Variants in ATF3 observed in about 807,000 individuals in gnomAD.
ATF3 encodes cyclic AMP-dependent transcription factor ATF-3.
In ATF3, 10 loss-of-function variants were observed where a neutral mutation model predicts 18.4. The observed-to-expected ratio is 0.54, with a 90% CI of 0.34 to 0.92. The LOEUF (loss-of-function observed/expected upper bound fraction) is 0.92. Ranked by LOEUF, ATF3 falls within the 40% of genes least tolerant of loss-of-function variation. ATF3 has a pLI of 0.02. For synonymous variants in ATF3, 78 were observed against 87.9 expected (o/e 0.89, Z 0.63); for missense variants, 183 against 222.3 (o/e 0.82, Z 1.12).
Position 212,619,573 on chromosome 1 carries a change from G to T in ATF3, c.*18G>T, listed in dbSNP as rs771844032. On this transcript the variant is annotated 3_prime_UTR_variant, in exon 4 of 4. Transcript: ENST00000341491. The surrounding 1 kb of genome is among the most constrained non-coding windows in gnomAD (Gnocchi z 4.4). Reference sequence around the variant, plus strand: ...AGAGCTAAGCAGTCGTGGTATGGGGGCGACTGGGGAGTCCTCATTGAATCC... The same window carrying T: ...AGAGCTAAGCAGTCGTGGTATGGGGTCGACTGGGGAGTCCTCATTGAATCC... The T allele has an allele frequency of 3.7e-6, 6 of 1,613,610 alleles. No individual in the cohort carries two copies. The Admixed American group carries it at 1.0e-4, about 27-fold the overall frequency.
chr1:212,580,648 T>C (rs994629833), intron 1 of ATF3, among the ~76,000 whole-genome samples: 2 of 152,228 alleles, frequency 1.3e-5, no homozygotes, highest in Admixed American at 1.3e-4. Flanking sequence ...CTTCACTCTG[T>C]GTTCACTACT....
At chr1:212,566,646 G>T (rs1426094096) in intron 1 of ATF3, among the ~76,000 whole-genome samples, 3 of 152,124 alleles carry the variant, frequency 2.0e-5, no homozygotes, top group African/African-American at 7.2e-5. Context: ...CTCAGTTCCT[G>T]TTCCTTTCCC....
At chr1:212,609,387 G>C (rs1219808119) in intron 1 of ATF3, among the ~76,000 whole-genome samples, 8 of 140,372 alleles carry the variant, frequency 5.7e-5, no homozygotes, top group Admixed American at 2.8e-4. Flanking sequence ...GGGGGGGGGG[G>C]GCGCAGAGAG....
chr1:212,586,074 G>T (rs187646806), intron 1 of ATF3, among the ~76,000 whole-genome samples: 6 of 152,256 alleles, frequency 3.9e-5, no homozygotes, highest in Admixed American at 6.5e-5. Context: ...GGCAGGGGAG[G>T]TCCTGGCTCC....
chr1:212,598,309 T>G (rs912718823), intron 1 of ATF3, among the ~76,000 whole-genome samples: 1 of 152,250 alleles, frequency 6.6e-6, no homozygotes, highest in Non-Finnish European at 1.5e-5. Flanking sequence ...ATATCTTACT[T>G]TTTAAAATTT....
chr1:212,571,476 C>T (rs1228463902), intron 1 of ATF3, among the ~76,000 whole-genome samples: 1 of 151,960 alleles, frequency 6.6e-6, no homozygotes, highest in East Asian at 1.9e-4. Flanking sequence ...GGTGCGATCT[C>T]AGCTTACTGC....
chr1:212,583,246 T>C (rs1177962307), intron 1 of ATF3, among the ~76,000 whole-genome samples: 8 of 152,270 alleles, frequency 5.3e-5, no homozygotes, highest in Admixed American at 5.2e-4. Context: ...TTTTAAGTGA[T>C]GGGATCTCGC....
At chr1:212,566,839 C>A (rs1051928359) in intron 1 of ATF3, among the ~76,000 whole-genome samples, 3 of 152,154 alleles carry the variant, frequency 2.0e-5, no homozygotes, top group Non-Finnish European at 2.9e-5. Flanking sequence ...GGATGCACCT[C>A]CTGCACTGCT....
At chr1:212,612,852 C>T (rs1033775629) in intron 1 of ATF3, among the ~76,000 whole-genome samples, 2 of 152,148 alleles carry the variant, frequency 1.3e-5, no homozygotes, top group African/African-American at 4.8e-5. Flanking sequence ...TCCTGGACTC[C>T]ACAGAGCCTC....
intron 1 of ATF3, among the ~76,000 whole-genome samples, chr1:212,598,090 T>A (rs371540418): frequency 6.6e-6 from 1 of 152,148 alleles, no homozygotes; most frequent in Non-Finnish European, 1.5e-5. Flanking sequence ...AGTTTATACT[T>A]TCATCTTTTA....
At chr1:212,567,883 G>C (rs967588080) in intron 1 of ATF3, among the ~76,000 whole-genome samples, 1 of 152,138 alleles carries the variant, frequency 6.6e-6, no homozygotes, top group Admixed American at 6.5e-5. Flanking sequence ...CCTCAGGAGA[G>C]AAAAACTGGG....
intron 1 of ATF3, among the ~76,000 whole-genome samples, chr1:212,610,859 G>A (rs1203347772): frequency 6.6e-6 from 1 of 152,182 alleles, no homozygotes; most frequent in Admixed American, 6.5e-5. Context: ...CAGTCGGTGG[G>A]TGTTCAGCAG....
intron 1 of ATF3, among the ~76,000 whole-genome samples, chr1:212,611,524 G>C (rs1419025405): frequency 1.3e-5 from 2 of 152,224 alleles, no homozygotes; most frequent in Admixed American, 1.3e-4. Context: ...CTCAGCTTAT[G>C]AGTGGCACTG....
chr1:212,592,694 G>A (rs1019684044), intron 1 of ATF3, among the ~76,000 whole-genome samples: 28 of 151,762 alleles, frequency 1.8e-4, no homozygotes, highest in African/African-American at 5.3e-4. Context: ...TCTAGGGGCC[G>A]GATTGCATTC....
At chr1:212,573,401 T>C (rs1270996481) in intron 1 of ATF3, among the ~76,000 whole-genome samples, 22 of 152,084 alleles carry the variant, frequency 1.4e-4, no homozygotes, top group Admixed American at 1.4e-3. Context: ...TAATATATTA[T>C]ACTATTGGAT....
At chr1:212,584,046 G>A (rs1022580390) in intron 1 of ATF3, among the ~76,000 whole-genome samples, 2 of 152,040 alleles carry the variant, frequency 1.3e-5, no homozygotes, top group African/African-American at 4.8e-5. Context: ...ACAAGGGGGA[G>A]GAGATAAAAT....
At chr1:212,587,524 C>A (rs1664801288) in intron 1 of ATF3, among the ~76,000 whole-genome samples, 1 of 152,132 alleles carries the variant, frequency 6.6e-6, no homozygotes, top group Non-Finnish European at 1.5e-5. Context: ...GCTTAGAAGC[C>A]CACAGGCTGG....
intron 1 of ATF3, among the ~76,000 whole-genome samples, chr1:212,576,703 A>ATTTT (rs1263712445): frequency 1.8e-5 from 2 of 108,266 alleles, no homozygotes; most frequent in African/African-American, 3.8e-5. Context: ...ATTAAAAAAT[A>ATTTT]TTCTTTTCTT....
At chr1:212,572,299 C>T (rs1292751361) in intron 1 of ATF3, among the ~76,000 whole-genome samples, 2 of 151,988 alleles carry the variant, frequency 1.3e-5, no homozygotes, top group African/African-American at 4.8e-5. Flanking sequence ...GGCGGATCCC[C>T]TGAGGTAGGG....
Sources: gnomAD v4.1 joint callset for allele counts (sites outside exome capture counted in the v4.1 genomes callset) on GRCh38, gnomAD v4.1.1 for gene constraint, Gnocchi (gnomAD v3.1) non-coding constraint, MANE v1.5 for transcripts, NCBI Gene and HGNC (gene_info 2026-07-23, HGNC 2026-07-21) for gene names.